Variants in CYTH2 observed in about 807,000 individuals in gnomAD.
CYTH2 encodes the protein cytohesin 2.
Under a neutral mutation model 55.4 loss-of-function variants are expected in CYTH2, and 24 were observed. That is an observed-to-expected ratio of 0.43 (90% CI 0.31 to 0.61). The LOEUF (loss-of-function observed/expected upper bound fraction) is 0.61. Ranked by LOEUF, CYTH2 falls within the 20% of genes least tolerant of loss-of-function variation. CYTH2 has a pLI of 0.08. For missense variants in CYTH2, 378 were observed against 533.5 expected (o/e 0.71, Z 2.87); for synonymous variants, 221 against 209.6 (o/e 1.05, Z -0.47).
At chr19:48,470,250 A>G (rs374947225) in intron 1 of CYTH2, 103 bp from the exon 2 acceptor site, 2 of 1,465,464 alleles carry the variant, frequency 1.4e-6, no homozygotes, top group Non-Finnish European at 9.2e-7. Flanking sequence ...AGACATAGGA[A>G]GCCCCTTACA....
chr19:48,469,650 C>G, intron 1 of CYTH2, 124 bp downstream of exon 1: 3 of 1,353,806 alleles, frequency 2.2e-6, no homozygotes, highest in Non-Finnish European at 2.9e-6. Flanking sequence ...GTAGACTTGT[C>G]GCGCCGCTTT....
chr19:48,475,814 G>A (rs1971901122), intron 8 of CYTH2: 1 of 231,216 alleles, frequency 4.3e-6, no homozygotes, highest in East Asian at 1.5e-4. Flanking sequence ...TCAAGGTTGA[G>A]AGCTACTGGC....
In CYTH2 at chr19:48,479,607, TTTAGAATGCAGGGATTCAGGG is replaced by T. The variant is rs1434492664; in HGVS notation, c.*399_*419del. 1 of 207,182 alleles carries T rather than the reference TTTAGAATGCAGGGATTCAGGG, an allele frequency of 4.8e-6. No homozygotes were observed. Among genetic ancestry groups the T allele is most frequent in the African/African-American group, 2.3e-5 (1 of 43,880 alleles). 12.8% of individuals were successfully genotyped at this position (207,182 alleles called of 1,614,324 possible). A position where few individuals can be genotyped will look rare whatever the true frequency, so the allele number is the denominator to read the frequency against. On this transcript the variant is annotated 3_prime_UTR_variant, in exon 12 of 12. Transcript: ENST00000452733. ...GAGTTGGAATTGGCCGGGGACAGAG[TTTAGAATGCAGGGATTCAGGG>T]TCAAGGTCTAGCATTCATTCTAGAA...
At position 48,472,396 on chromosome 19, in the gene CYTH2, G is replaced by A; in HGVS notation, c.306G>A (p.Lys102=). 6.2e-7 allele frequency: 1 copy of A among 1,613,970 alleles called. No individual in the cohort carries two copies. Among genetic ancestry groups the A allele is most frequent in the South Asian group, 1.1e-5 (1 of 91,074 alleles). Residue 102 remains lysine (K), a synonymous_variant, in exon 4 of 12, where the codon AAG becomes AAA. Transcript: ENST00000452733. ...AGGAGATCGCCCGCTTCCTGTACAA[G>A]GGCGAGGGGCTGAACAAGACAGCCA... The part of the protein sequence containing the change: ...TPEEIARFLY[K]GEGLNKTAIG...
At position 48,472,392 on chromosome 19, in the gene CYTH2, A is replaced by G; in HGVS notation, c.302A>G (p.Tyr101Cys). 2.5e-6 allele frequency: 4 copies of G among 1,613,972 alleles called. No homozygotes were observed. The highest frequency in any genetic ancestry group is 3.4e-6 in the Non-Finnish European group (4 of 1,180,026). The stretch of plus-strand genomic sequence containing the variant: ...CCCGAGGAGATCGCCCGCTTCCTGT[A>G]CAAGGGCGAGGGGCTGAACAAGACA... The part of the protein sequence containing the change: ...NTPEEIARFL[Y>C]KGEGLNKTAI... The change falls in exon 4 of 12, where the codon TAC becomes TGC. Residue 101 changes from tyrosine (Y) to cysteine (C), a missense_variant. Physicochemically the swap from Tyr to Cys is radical, Grantham distance 194 (BLOSUM62 -2). Coordinates refer to ENST00000452733, the MANE Select transcript of CYTH2 (RefSeq NM_004228.7).
At chr19:48,470,530 C>A in intron 2 of CYTH2, 30 bp downstream of exon 2, 1 of 1,613,566 alleles carries the variant, frequency 6.2e-7, no homozygotes. Flanking sequence ...ACCTAGGGGG[C>A]GTGGGGTTGG....
Position 48,474,752 on chromosome 19 carries a change from C to G in CYTH2, c.697-86C>G. The G allele has an allele frequency of 8.8e-7, 1 of 1,135,060 alleles. No homozygotes were observed. Among genetic ancestry groups the G allele is most frequent in the Non-Finnish European group, 1.3e-6 (1 of 753,028 alleles). The allele number at this position is 1,135,060 out of a possible 1,614,324, so 70.3% of individuals were successfully genotyped here. A position where few individuals can be genotyped will look rare whatever the true frequency, so the allele number is the denominator to read the frequency against. On this transcript the variant is annotated intron_variant, in intron 7 of 11. Coordinates refer to ENST00000452733, the MANE Select transcript of CYTH2 (RefSeq NM_004228.7). The surrounding 1 kb of genome is among the most constrained non-coding windows in gnomAD (Gnocchi z 4.9). The stretch of plus-strand genomic sequence containing the variant: ...CTCTCTTCCCCACTATGAGTCATCC[C>G]ATCCCTGGTCTCGCTGCCCCCCACC...
Position 48,480,302 on chromosome 19 carries a change from G to C in CYTH2, c.*1092G>C, listed in dbSNP as rs1038381316. ...GTTAACAAACTACAAGTCCCAGCAG[G>C]GACCGGGACGCGGGTGGGAGAGGCG... On this transcript the variant is annotated 3_prime_UTR_variant, in exon 12 of 12. Transcript: ENST00000452733. 1 of 152,270 alleles carries C rather than the reference G, an allele frequency of 6.6e-6. No homozygotes were observed. The highest frequency in any genetic ancestry group is 2.4e-5 in the African/African-American group (1 of 41,464). 9.4% of individuals were successfully genotyped at this position (152,270 alleles called of 1,614,324 possible).
chr19:48,469,455 C>T lies in CYTH2; in HGVS notation c.-53C>T. On this transcript the variant is annotated 5_prime_UTR_variant, in exon 1 of 12. Transcript: ENST00000452733. ...CCGAGCCCGCGGGCCAACGCGGATC[C>T]AGGCCCGACTGGCGGGACCGCCCCG... The T allele has an allele frequency of 7.6e-7, 1 of 1,320,818 alleles. No individual in the cohort carries two copies. The allele number at this position is 1,320,818 out of a possible 1,614,324, so 81.8% of individuals were successfully genotyped here.
intron 3 of CYTH2, among the ~76,000 whole-genome samples, chr19:48,471,041 G>A (rs1190068049): frequency 6.6e-6 from 1 of 152,178 alleles, no homozygotes; most frequent in Non-Finnish European, 1.5e-5. Context: ...CAGGGTAGTG[G>A]ACCTCTGGAG....
chr19:48,473,113 G>T (rs980798729), intron 4 of CYTH2, 185 bp from the exon 5 acceptor site: 6 of 618,206 alleles, frequency 9.7e-6, no homozygotes, highest in Non-Finnish European at 1.7e-5. Flanking sequence ...TTCCTCCCAA[G>T]AGTGTGTTCT....
intron 3 of CYTH2, among the ~76,000 whole-genome samples, 186 bp from the exon 4 acceptor site, chr19:48,472,139 G>T (rs1189241814): frequency 2.0e-5 from 3 of 152,226 alleles, no homozygotes; most frequent in Non-Finnish European, 4.4e-5. Flanking sequence ...GGCAGAGAGG[G>T]TAGGCCATGA....
At chr19:48,470,188 C>G in intron 1 of CYTH2, 165 bp from the exon 2 acceptor site, 1 of 1,094,400 alleles carries the variant, frequency 9.1e-7, no homozygotes, top group South Asian at 1.5e-5. Flanking sequence ...AGAGCCCCAG[C>G]TCTTTCTCCT....
At position 48,474,258 on chromosome 19, in the gene CYTH2, G is replaced by A. The variant is rs200137114; in HGVS notation, c.624G>A (p.Pro208=). 22 of 1,613,654 alleles carry A rather than the reference G, an allele frequency of 1.4e-5. No individual in the cohort carries two copies. Among genetic ancestry groups the A allele is most frequent in the Admixed American group, 1.3e-4 (8 of 59,928 alleles). ...SLHNPNVRDK[P]GLERFVAMNR... Reference sequence around the variant, plus strand: ...ACAATCCCAATGTCCGGGACAAGCCGGGCCTGGAGCGCTTTGTGGCCATGA... The same window carrying A: ...ACAATCCCAATGTCCGGGACAAGCCAGGCCTGGAGCGCTTTGTGGCCATGA... Residue 208 remains proline (P), a synonymous_variant, in exon 7 of 12, where the codon CCG becomes CCA. Transcript: ENST00000452733. This position sits in a 1 kb window ranked among gnomAD's most constrained non-coding sequence, Gnocchi z 4.9.
At chr19:48,476,103 C>T in intron 8 of CYTH2, 2 of 493,286 alleles carry the variant, frequency 4.1e-6, no homozygotes, top group Non-Finnish European at 8.2e-6. Context: ...ACCAGGGCAT[C>T]ACCACCTCAA....
At chr19:48,475,958 C>T (rs970678975) in intron 8 of CYTH2, 19 of 512,108 alleles carry the variant, frequency 3.7e-5, no homozygotes, top group South Asian at 5.7e-5. Context: ...AGGCTTCCCG[C>T]GGCAGCAGGA....
In CYTH2 at chr19:48,470,433, C is replaced by G; in HGVS notation, c.100C>G (p.Gln34Glu). ...RRKQELLVEI[Q>E]RLREELSEAM... ...GAAGCAGGAGCTGCTGGTGGAGATTCAGCGCCTGCGGGAGGAGCTCAGTGA... is the reference window on the plus strand; with the variant it reads ...GAAGCAGGAGCTGCTGGTGGAGATTGAGCGCCTGCGGGAGGAGCTCAGTGA... Residue 34 changes from glutamine to glutamate, a missense_variant, in exon 2 of 12, where the codon CAG becomes GAG. By Grantham distance (29) the Gln-to-Glu change is conservative. Coordinates refer to ENST00000452733, the MANE Select transcript of CYTH2 (RefSeq NM_004228.7). The G allele has an allele frequency of 6.2e-7, 1 of 1,614,116 alleles. No individual in the cohort carries two copies. Among genetic ancestry groups the G allele is most frequent in the Non-Finnish European group, 8.5e-7 (1 of 1,180,018 alleles).
Position 48,470,653 on chromosome 19 carries a change from A to T in CYTH2, c.218A>T (p.Asn73Ile). 2 of 1,614,246 alleles carry T rather than the reference A, an allele frequency of 1.2e-6. No individual in the cohort carries two copies. The highest frequency in any genetic ancestry group is 1.1e-5 in the South Asian group (1 of 91,088). The change falls in exon 3 of 12, where the codon AAC (asparagine) becomes ATC (isoleucine). Residue 73 changes from asparagine to isoleucine, a missense_variant. By Grantham distance (149) the Asn-to-Ile change is moderately radical. Transcript: ENST00000452733. The stretch of plus-strand genomic sequence containing the variant: ...ATGGCAATGGGCAGGAAGAAGTTCA[A>T]CATGGACCCCAAGAAGGTGCTTGGG... ...RKMAMGRKKF[N>I]MDPKKGIQFL...
At position 48,472,421 on chromosome 19, in the gene CYTH2, A is replaced by G; in HGVS notation, c.331A>G (p.Ile111Val). 1 of 1,613,660 alleles carries G rather than the reference A, an allele frequency of 6.2e-7. No individual in the cohort carries two copies. Among genetic ancestry groups the G allele is most frequent in the South Asian group, 1.1e-5 (1 of 91,070 alleles). ...YKGEGLNKTAIGDYLGEREEL... is the reference protein window; with the variant it reads ...YKGEGLNKTAVGDYLGEREEL... ...GGGCGAGGGGCTGAACAAGACAGCC[A>G]TCGGGGACTACCTGGGGGAGAGGTA... Residue 111 changes from isoleucine to valine, a missense_variant, in exon 4 of 12, where the codon ATC becomes GTC. Coordinates refer to ENST00000452733, the MANE Select transcript of CYTH2 (RefSeq NM_004228.7).
Sources: allele counts gnomAD v4.1 joint callset (sites outside exome capture counted in the v4.1 genomes callset), GRCh38; gene constraint gnomAD v4.1.1; non-coding constraint Gnocchi (gnomAD v3.1); transcripts MANE v1.5; gene names NCBI Gene and HGNC (gene_info 2026-07-23, HGNC 2026-07-21).